DNAH12: variants seen among roughly 807,000 people sequenced by gnomAD.
DNAH12 encodes axonemal beta dynein heavy chain 12.
In DNAH12, 285 loss-of-function variants were observed where a neutral mutation model predicts 371.5. The observed-to-expected ratio is 0.77, with a 90% CI of 0.70 to 0.85. The LOEUF is 0.85. DNAH12 is among the 40% of genes least tolerant of loss of function. The pLI is 0.00. For synonymous variants in DNAH12, 1,200 were observed against 1,213.0 expected (o/e 0.99, Z 0.22); for missense variants, 3,611 against 3,689.4 (o/e 0.98, Z 0.55).
intron 39 of DNAH12, among the ~76,000 whole-genome samples, chr3:57,412,781 C>T (rs114085828): frequency 0.024 from 3,607 of 152,260 alleles, 68 homozygotes; most frequent in Admixed American, 0.035. Flanking sequence ...AGAACACTGA[C>T]AATACCAAAT....
intron 4 of DNAH12, among the ~76,000 whole-genome samples, chr3:57,514,430 A>G (rs1384343352): frequency 6.6e-6 from 1 of 152,038 alleles, no homozygotes; most frequent in Non-Finnish European, 1.5e-5. Context: ...AACAAAAAAA[A>G]GCAAAATGCA....
intron 43 of DNAH12, among the ~76,000 whole-genome samples, chr3:57,400,471 A>C (rs1422577992): frequency 1.3e-5 from 2 of 152,216 alleles, no homozygotes; most frequent in East Asian, 3.8e-4. Flanking sequence ...TGGGGGATAC[A>C]TTCCAAGACC....
At chr3:57,451,259 T>C (rs983590416) in intron 25 of DNAH12, among the ~76,000 whole-genome samples, 2 of 152,258 alleles carry the variant, frequency 1.3e-5, no homozygotes, top group African/African-American at 2.4e-5. Context: ...GTGGTACTTC[T>C]TGATGCTCCT....
At chr3:57,523,643 G>A in intron 3 of DNAH12, 34 bp from the exon 4 acceptor site, 4 of 1,466,268 alleles carry the variant, frequency 2.7e-6, no homozygotes, top group Non-Finnish European at 1.8e-6. Flanking sequence ...ATTAAATCAA[G>A]GAGAACATTT....
intron 55 of DNAH12, among the ~76,000 whole-genome samples, chr3:57,371,629 C>T (rs1292329348): frequency 6.6e-6 from 1 of 150,856 alleles, no homozygotes; most frequent in Admixed American, 6.6e-5. Flanking sequence ...CTACTACACT[C>T]CAGCCTAGGT....
At chr3:57,506,702 A>G (rs2067771646) in intron 8 of DNAH12, among the ~76,000 whole-genome samples, 1 of 152,104 alleles carries the variant, frequency 6.6e-6, no homozygotes, top group Non-Finnish European at 1.5e-5. Flanking sequence ...TGGGCCTCCC[A>G]AAGTGCTGGT....
At chr3:57,444,640 T>C (rs375487906) in intron 29 of DNAH12, 57 bp downstream of exon 29, 29 of 1,535,910 alleles carry the variant, frequency 1.9e-5, no homozygotes, top group Admixed American at 1.7e-4. Context: ...TGGTAAACAA[T>C]TGAGTCATCG....
In DNAH12 at chr3:57,468,991, G is replaced by C; in HGVS notation, c.2106-12C>G. On this transcript the variant is annotated splice_polypyrimidine_tract_variant and intron_variant, in intron 16 of 73. Coordinates refer to ENST00000495027, the MANE Select transcript of DNAH12 (RefSeq NM_001366028.2). ...CTCCATCCATCCACCTGAATGGAAA[G>C]AAAAAATATTATTAAACTCAGACTT... 5 of 1,512,594 alleles carry C rather than the reference G, an allele frequency of 3.3e-6. 1 individual carries two copies. Among genetic ancestry groups the C allele is most frequent in the East Asian group, 5.0e-5 (2 of 39,718 alleles). The allele number at this position is 1,512,594 out of a possible 1,614,324, so 93.7% of individuals were successfully genotyped here.
At chr3:57,510,492 T>G (rs1193750593) in intron 5 of DNAH12, among the ~76,000 whole-genome samples, 1 of 151,850 alleles carries the variant, frequency 6.6e-6, no homozygotes, top group Non-Finnish European at 1.5e-5. Context: ...ATAAAAAAAT[T>G]AGCTGGGCAT....
chr3:57,403,371 G>A lies in DNAH12; in HGVS notation c.6886C>T (p.His2296Tyr). ...TTAGAAATTTCTGGTTGGAAAATAT[G>A]CATTTTTGCCATGGATGTAGCCAGA... ...TRLATSMAKM[H>Y]IFQPEISKSY... is the part of the protein sequence containing the mutation. Residue 2296 changes from histidine (H) to tyrosine (Y), a missense_variant, in exon 43 of 74, where the codon CAT becomes TAT. Around this residue, in one of 3 missense-constraint regions of DNAH12, gnomAD observed 2,266 missense variants for 2,236.9 expected, o/e 1.01. Coordinates refer to ENST00000495027, the MANE Select transcript of DNAH12 (RefSeq NM_001366028.2). The A allele has an allele frequency of 6.4e-7, 1 of 1,550,858 alleles. No homozygotes were observed. Among genetic ancestry groups the A allele is most frequent in the Non-Finnish European group, 8.7e-7 (1 of 1,146,586 alleles).
chr3:57,472,558 A>T lies in DNAH12; in HGVS notation c.1764T>A (p.Asp588Glu). 1.3e-6 allele frequency: 2 copies of T among 1,548,964 alleles called. No homozygotes were observed. Among genetic ancestry groups the T allele is most frequent in the Non-Finnish European group, 8.7e-7 (1 of 1,146,122 alleles). Reference sequence around the variant, plus strand: ...AAAATATATTTACCTCATCATTTTCATCAAAGATGGGATTAATTTTCCTAG... The same window carrying T: ...AAAATATATTTACCTCATCATTTTCTTCAAAGATGGGATTAATTTTCCTAG... ...MWPRKINPIF[D>E]ENDELIENAK... is the part of the protein sequence containing the mutation. Residue 588 changes from aspartate (D) to glutamate (E), a missense_variant, in exon 14 of 74, where the codon GAT becomes GAA. By Grantham distance (45) the Asp-to-Glu change is conservative. Transcript: ENST00000495027.
intron 69 of DNAH12, among the ~76,000 whole-genome samples, chr3:57,304,844 C>T (rs1304365364): frequency 1.3e-5 from 2 of 152,082 alleles, no homozygotes; most frequent in African/African-American, 4.8e-5. Context: ...TACCCCTTCT[C>T]CACTTTCCTG....
At chr3:57,334,744 T>A (rs1400060012) in intron 61 of DNAH12, 38 bp downstream of exon 61, 17 of 1,527,714 alleles carry the variant, frequency 1.1e-5, no homozygotes, top group Non-Finnish European at 1.4e-5. Flanking sequence ...GTTTACATAT[T>A]GCCATTCAAT....
chr3:57,404,978 A>C lies in DNAH12; in HGVS notation c.6746T>G (p.Val2249Gly). The C allele has an allele frequency of 6.6e-7, 1 of 1,513,524 alleles. No homozygotes were observed. Among genetic ancestry groups the C allele is most frequent in the Non-Finnish European group, 8.8e-7 (1 of 1,135,312 alleles). 93.8% of individuals were successfully genotyped at this position (1,513,524 alleles called of 1,614,324 possible). Residue 2249 changes from valine (V) to glycine (G), a missense_variant, in exon 42 of 74, where the codon GTC becomes GGC. Val to Gly is a moderately radical substitution (Grantham distance 109). Coordinates refer to ENST00000495027, the MANE Select transcript of DNAH12 (RefSeq NM_001366028.2). ...NQTHKTRMNL[V>G]IFRYVLEHLS... Reference sequence around the variant, plus strand: ...CACCATATATAGGTACCTAAAAATGACAAGATTCATTCTTGTTTTGTGTGT... The same window carrying C: ...CACCATATATAGGTACCTAAAAATGCCAAGATTCATTCTTGTTTTGTGTGT...
chr3:57,516,364 T>C (rs12496288), intron 4 of DNAH12, among the ~76,000 whole-genome samples: 60,748 of 152,040 alleles, frequency 0.4, 14,113 homozygotes, highest in South Asian at 0.57. Context: ...GCCCGGCCCA[T>C]GTACTGCCTA....
intron 11 of DNAH12, chr3:57,498,412 G>C (rs2067390331): frequency 2.9e-6 from 2 of 696,080 alleles, no homozygotes; most frequent in African/African-American, 3.5e-5. Context: ...GAACTCCTAG[G>C]CTCCAGTAAT....
intron 71 of DNAH12, 101 bp from the exon 72 acceptor site, chr3:57,296,536 A>G: frequency 2.2e-6 from 2 of 903,490 alleles, no homozygotes; most frequent in Non-Finnish European, 1.7e-6. Context: ...GGGAAACTCT[A>G]TTGTATAATA....
At chr3:57,529,018 T>C (rs1220985791) in intron 2 of DNAH12, among the ~76,000 whole-genome samples, 3 of 152,068 alleles carry the variant, frequency 2.0e-5, no homozygotes, top group Non-Finnish European at 4.4e-5. Context: ...CAGGCTGGTC[T>C]CAAACTCCTG....
At chr3:57,494,361 T>C (rs1334908737) in intron 11 of DNAH12, among the ~76,000 whole-genome samples, 2 of 152,034 alleles carry the variant, frequency 1.3e-5, no homozygotes, top group Non-Finnish European at 2.9e-5. Context: ...GAGACCAACC[T>C]GGGCAACATA....
Sources: allele counts gnomAD v4.1 joint callset (sites outside exome capture counted in the v4.1 genomes callset), GRCh38; gene constraint gnomAD v4.1.1; regional missense constraint gnomAD v4.1.1; transcripts MANE v1.5; gene names NCBI Gene and HGNC (gene_info 2026-07-23, HGNC 2026-07-21).